Variants in CCDC148 observed in about 807,000 individuals in gnomAD.
CCDC148 encodes coiled-coil domain containing 148, also known as coiled-coil domain-containing protein 148.
In CCDC148, 89 loss-of-function variants were observed where a neutral mutation model predicts 85.7. The observed-to-expected ratio is 1.04, with a 90% confidence interval of 0.87 to 1.24. The LOEUF is 1.24. CCDC148 is among the 50% of genes most tolerant of loss of function. The pLI is 0.00. For synonymous variants in CCDC148, 230 were observed against 213.9 expected (o/e 1.08, Z -0.66); for missense variants, 692 against 671.7 (o/e 1.03, Z -0.33).
chr2:158,294,967 T>C (rs577920410), intron 9 of CCDC148, among the ~76,000 whole-genome samples: 14 of 152,248 alleles, frequency 9.2e-5, no homozygotes, highest in Non-Finnish European at 1.6e-4. Context: ...TGATAGGTAA[T>C]ACTAATAGCC....
intron 9 of CCDC148, among the ~76,000 whole-genome samples, chr2:158,287,360 C>T (rs893328476): frequency 6.6e-5 from 10 of 152,100 alleles, no homozygotes; most frequent in Non-Finnish European, 7.4e-5. Context: ...CAGCATTAAC[C>T]CAAAAGTCCA....
intron 8 of CCDC148, among the ~76,000 whole-genome samples, chr2:158,311,861 G>A (rs1245996721): frequency 6.6e-6 from 1 of 152,184 alleles, no homozygotes; most frequent in Non-Finnish European, 1.5e-5. Flanking sequence ...CACATTGGCA[G>A]CAGTAGCTCC....
intron 1 of CCDC148, among the ~76,000 whole-genome samples, chr2:158,386,798 C>T (rs534049261): frequency 2.3e-4 from 35 of 152,222 alleles, no homozygotes; most frequent in African/African-American, 8.2e-4. Context: ...TCCCATACTC[C>T]TTCCCACATA....
intron 4 of CCDC148, 69 bp from the exon 5 acceptor site, chr2:158,340,462 A>G (rs1454532540): frequency 6.5e-6 from 10 of 1,539,472 alleles, no homozygotes; most frequent in Non-Finnish European, 8.8e-6. Context: ...ACAGATCATT[A>G]GAGTACAGAT....
chr2:158,343,465 A>G (rs1682843469), intron 3 of CCDC148, among the ~76,000 whole-genome samples: 1 of 152,208 alleles, frequency 6.6e-6, no homozygotes, highest in African/African-American at 2.4e-5. Flanking sequence ...TAAAACATGT[A>G]AAGGACTTAA....
intron 11 of CCDC148, among the ~76,000 whole-genome samples, chr2:158,211,937 A>C (rs1052731233): frequency 1.3e-4 from 20 of 152,186 alleles, no homozygotes; most frequent in Non-Finnish European, 2.6e-4. Flanking sequence ...TAATATCCAA[A>C]TAATCTGTGT....
intron 1 of CCDC148, among the ~76,000 whole-genome samples, chr2:158,387,120 C>G (rs2356093): frequency 0.92 from 140,624 of 152,084 alleles, 65,059 homozygotes; most frequent in East Asian, 0.98. Flanking sequence ...GGTCTTTGCT[C>G]GTCACAGTCT....
intron 1 of CCDC148, among the ~76,000 whole-genome samples, chr2:158,449,546 C>T (rs1279585570): frequency 2.6e-5 from 4 of 151,868 alleles, no homozygotes; most frequent in Non-Finnish European, 4.4e-5. Flanking sequence ...CTCCTGGGTT[C>T]AAGCAATTCT....
At chr2:158,455,294 T>C (rs563385539) in intron 1 of CCDC148, among the ~76,000 whole-genome samples, 3 of 152,236 alleles carry the variant, frequency 2.0e-5, no homozygotes, top group African/African-American at 7.2e-5. Flanking sequence ...TGAAAATATT[T>C]AGGGGGAACA....
intron 1 of CCDC148, among the ~76,000 whole-genome samples, chr2:158,372,991 G>A (rs947381290): frequency 2.6e-5 from 4 of 152,034 alleles, no homozygotes; most frequent in Admixed American, 6.6e-5. Flanking sequence ...GATGTTATGT[G>A]GCAAAGGGGA....
chr2:158,363,416 C>A (rs1684056242), intron 1 of CCDC148, among the ~76,000 whole-genome samples: 1 of 151,944 alleles, frequency 6.6e-6, no homozygotes, highest in African/African-American at 2.4e-5. Flanking sequence ...AAATCCTCAA[C>A]AAAATACTGG....
chr2:158,423,944 G>T (rs965744701), intron 1 of CCDC148, among the ~76,000 whole-genome samples: 1 of 152,158 alleles, frequency 6.6e-6, no homozygotes, highest in Non-Finnish European at 1.5e-5. Context: ...AGACATTTAC[G>T]CAGTCAGCAG....
At chr2:158,439,281 G>A (rs1445457858) in intron 1 of CCDC148, among the ~76,000 whole-genome samples, 1 of 152,174 alleles carries the variant, frequency 6.6e-6, no homozygotes, top group Non-Finnish European at 1.5e-5. Flanking sequence ...ATACACCATG[G>A]AATACTATGC....
At chr2:158,193,999 T>C (rs981443658) in intron 11 of CCDC148, among the ~76,000 whole-genome samples, 2 of 151,062 alleles carry the variant, frequency 1.3e-5, no homozygotes, top group African/African-American at 4.9e-5. Context: ...ACATGTACCC[T>C]AGAACTTAAA....
intron 11 of CCDC148, among the ~76,000 whole-genome samples, chr2:158,219,191 C>T (rs948658377): frequency 5.9e-5 from 9 of 152,134 alleles, no homozygotes; most frequent in African/African-American, 1.9e-4. Flanking sequence ...AATTTTTTTA[C>T]AGCGACTAAC....
At chr2:158,217,131 T>A (rs1015851042) in intron 11 of CCDC148, among the ~76,000 whole-genome samples, 2 of 151,884 alleles carry the variant, frequency 1.3e-5, no homozygotes, top group Non-Finnish European at 2.9e-5. Context: ...ACAATTTTGA[T>A]AAAATGAAGA....
chr2:158,213,850 G>C (rs1223758769), intron 11 of CCDC148, among the ~76,000 whole-genome samples: 1 of 152,094 alleles, frequency 6.6e-6, no homozygotes, highest in Admixed American at 6.5e-5. Flanking sequence ...CAGCTGTAGA[G>C]AACTCTACAC....
At chr2:158,446,397 A>G (rs1688159480) in intron 1 of CCDC148, among the ~76,000 whole-genome samples, 1 of 151,870 alleles carries the variant, frequency 6.6e-6, no homozygotes, top group Non-Finnish European at 1.5e-5. Context: ...CAAAGATTGT[A>G]ATTTAGTCTT....
chr2:158,243,264 C>T (rs1241642388), intron 10 of CCDC148, among the ~76,000 whole-genome samples: 1 of 152,098 alleles, frequency 6.6e-6, no homozygotes, highest in Admixed American at 6.6e-5. Flanking sequence ...CCTCTTGGTT[C>T]AAGGGTCATT....
Sources: allele counts gnomAD v4.1 joint callset (sites outside exome capture counted in the v4.1 genomes callset), GRCh38; gene constraint gnomAD v4.1.1; transcripts MANE v1.5; gene names NCBI Gene and HGNC (gene_info 2026-07-23, HGNC 2026-07-21).